The following BMERB1 variants were observed in gnomAD, a reference collection of about 807,000 sequenced individuals.
BMERB1 encodes bMERB domain containing 1.
Under a neutral mutation model 23.6 loss-of-function variants are expected in BMERB1, and 12 were observed. The ratio of observed to expected loss-of-function variants is 0.51; its 90% confidence interval spans 0.33 to 0.82. BMERB1 has a LOEUF of 0.82. Among genes scored for constraint, BMERB1 ranks in the 40% least tolerant of loss-of-function variants. The pLI is 0.03. For missense variants in BMERB1, 247 were observed against 255.4 expected (o/e 0.97, Z 0.22); for synonymous variants, 122 against 96.6 (o/e 1.26, Z -1.54).
intron 1 of BMERB1, among the ~76,000 whole-genome samples, chr16:15,505,175 A>C (rs981464087): frequency 1.3e-5 from 2 of 151,714 alleles, no homozygotes; most frequent in Admixed American, 1.3e-4. Context: ...GCTGACCAAA[A>C]CGTCGTTTAA....
intron 1 of BMERB1, among the ~76,000 whole-genome samples, chr16:15,501,478 CTTG>C (rs2051529708): frequency 6.6e-6 from 1 of 150,390 alleles, no homozygotes; most frequent in Non-Finnish European, 1.5e-5. Context: ...GTTTGTTGTT[CTTG>C]TTGTTCTTGT....
intron 1 of BMERB1, among the ~76,000 whole-genome samples, chr16:15,507,017 G>A (rs2051599275): frequency 3.9e-5 from 6 of 152,142 alleles, no homozygotes; most frequent in Admixed American, 3.9e-4. Flanking sequence ...CTAGATCATG[G>A]CTCCGGTAAA....
Position 15,456,887 on chromosome 16 carries a change from G to A in BMERB1, c.106+22128G>A, listed in dbSNP as rs145202385. On this transcript the variant is annotated intron_variant, in intron 1 of 5. Coordinates refer to ENST00000300006, the MANE Select transcript of BMERB1 (RefSeq NM_033201.3). ...TTCGCCCAGGTTGGAGTGCAATGGC[G>A]CAATCTCGGCTCACTACAACCTCCA... Among the ~76,000 whole-genome samples the A allele has an allele frequency of 4.9e-3, 750 of 151,952 alleles. 4 individuals carry two copies. Among genetic ancestry groups the A allele is most frequent in the Admixed American group, 0.013 (202 of 15,248 alleles).
chr16:15,583,384 C>A, intron 5 of BMERB1, 146 bp downstream of exon 5: 1 of 671,064 alleles, frequency 1.5e-6, no homozygotes, highest in Non-Finnish European at 2.7e-6. Flanking sequence ...TCGAGACCAG[C>A]CTGGTCAACA....
chr16:15,557,658 G>A (rs570814714), intron 2 of BMERB1, among the ~76,000 whole-genome samples: 6 of 152,292 alleles, frequency 3.9e-5, no homozygotes, highest in Non-Finnish European at 8.8e-5. Flanking sequence ...GGACTGAGAG[G>A]TTTCCAAGGA....
chr16:15,462,708 CACAG>C (rs1296801254), intron 1 of BMERB1, among the ~76,000 whole-genome samples: 1 of 152,060 alleles, frequency 6.6e-6, no homozygotes, highest in East Asian at 1.9e-4. Flanking sequence ...GGGGCTTGAG[CACAG>C]ACATTTAGTT....
intron 1 of BMERB1, among the ~76,000 whole-genome samples, chr16:15,470,924 C>T (rs1247023947): frequency 1.4e-5 from 2 of 147,580 alleles, no homozygotes; most frequent in South Asian, 2.2e-4. Flanking sequence ...GCAACCTCTC[C>T]CTCCCAGGTT....
rs954599387 is a variant in BMERB1 at position 15,568,262 on chromosome 16, C to A, written c.304+206C>A. On this transcript the variant is annotated intron_variant, in intron 3 of 5. Transcript: ENST00000300006. ...GTCACCTTCTTGTCCTTGGACAAGT[C>A]ACTGTACTTCTCTGAGACTCAATTT... 6.6e-6 allele frequency among the ~76,000 whole-genome samples: 1 copy of A among 152,204 alleles called. No homozygotes were observed. The highest frequency in any genetic ancestry group is 2.4e-5 in the African/African-American group (1 of 41,446).
intron 4 of BMERB1, among the ~76,000 whole-genome samples, chr16:15,581,752 T>A (rs943735575): frequency 6.6e-6 from 1 of 152,184 alleles, no homozygotes; most frequent in Non-Finnish European, 1.5e-5. Context: ...TTCCCCTTAG[T>A]GGCGCCAATG....
intron 1 of BMERB1, among the ~76,000 whole-genome samples, chr16:15,457,631 A>G (rs1048869188): frequency 6.6e-6 from 1 of 151,970 alleles, no homozygotes; most frequent in Non-Finnish European, 1.5e-5. Flanking sequence ...ACCTCCTTTC[A>G]TTGCCTTCAA....
intron 1 of BMERB1, among the ~76,000 whole-genome samples, chr16:15,494,947 G>A (rs1289818689): frequency 3.7e-5 from 5 of 135,388 alleles, no homozygotes; most frequent in South Asian, 2.4e-4. Flanking sequence ...GCAGTGGCTC[G>A]ATCTCAGCTC....
intron 1 of BMERB1, among the ~76,000 whole-genome samples, chr16:15,438,599 A>T (rs954687262): frequency 7.9e-5 from 12 of 151,568 alleles, no homozygotes; most frequent in African/African-American, 2.9e-4. Context: ...AGCTGGGATT[A>T]CAGGCATGCA....
At chr16:15,527,994 A>G (rs2051926725) in intron 2 of BMERB1, among the ~76,000 whole-genome samples, 1 of 152,100 alleles carries the variant, frequency 6.6e-6, no homozygotes, top group East Asian at 1.9e-4. Flanking sequence ...CATGGCCACC[A>G]CCCAGGTTCA....
chr16:15,503,043 C>T lies in BMERB1; in HGVS notation c.107-12262C>T, dbSNP rs112968541. On this transcript the variant is annotated intron_variant, in intron 1 of 5. Transcript: ENST00000300006. ...GTTGTATACAGTTGGTCCTCTGTAT[C>T]TGTGGGTTCCGCATCCTTAGATTCA... 6.8e-3 allele frequency among the ~76,000 whole-genome samples: 1,031 copies of T among 152,282 alleles called. 6 individuals are homozygous for T. Among genetic ancestry groups the T allele is most frequent in the Middle Eastern group, 0.02 (6 of 294 alleles).
At position 15,587,434 on chromosome 16, in the gene BMERB1, G is replaced by C; in HGVS notation, c.*605G>C. 6.6e-6 allele frequency: 2 copies of C among 305,246 alleles called. No individual in the cohort carries two copies. Among genetic ancestry groups the C allele is most frequent in the Non-Finnish European group, 1.4e-5 (2 of 143,972 alleles). 18.9% of individuals were successfully genotyped at this position (305,246 alleles called of 1,614,324 possible). A position where few individuals can be genotyped will look rare whatever the true frequency, so the allele number is the denominator to read the frequency against. ...GTGTGGTGTCGTGGTCACATCTCCC[G>C]CTTCCCCCCATCCTGTGTCTGGGCA... On this transcript the variant is annotated 3_prime_UTR_variant, in exon 6 of 6. Coordinates refer to ENST00000300006, the MANE Select transcript of BMERB1 (RefSeq NM_033201.3).
At chr16:15,454,248 A>G (rs1380771676) in intron 1 of BMERB1, among the ~76,000 whole-genome samples, 1 of 152,258 alleles carries the variant, frequency 6.6e-6, no homozygotes, top group African/African-American at 2.4e-5. Context: ...AGCTACAGTC[A>G]CGAGAATAGG....
chr16:15,477,925 T>C (rs2051287427), intron 1 of BMERB1, among the ~76,000 whole-genome samples: 1 of 152,160 alleles, frequency 6.6e-6, no homozygotes, highest in South Asian at 2.1e-4. Flanking sequence ...CTGTGAGTTA[T>C]CAGTTGTAAG....
At chr16:15,450,375 G>T (rs2051031394) in intron 1 of BMERB1, among the ~76,000 whole-genome samples, 1 of 152,156 alleles carries the variant, frequency 6.6e-6, no homozygotes, top group African/African-American at 2.4e-5. Flanking sequence ...CTTAGCTCAA[G>T]GGCCATAGAG....
At chr16:15,442,624 A>ATGT (rs1471877305) in intron 1 of BMERB1, among the ~76,000 whole-genome samples, 3 of 152,214 alleles carry the variant, frequency 2.0e-5, no homozygotes, top group Non-Finnish European at 4.4e-5. Flanking sequence ...CATATTAATA[A>ATGT]TAATATCCAT....
Sources: gnomAD v4.1 joint callset for allele counts (sites outside exome capture counted in the v4.1 genomes callset) on GRCh38, gnomAD v4.1.1 for gene constraint, MANE v1.5 for transcripts, NCBI Gene and HGNC (gene_info 2026-07-23, HGNC 2026-07-21) for gene names.